MCPH1: variants seen among roughly 807,000 people sequenced by gnomAD.
MCPH1 encodes the protein microcephalin 1, also known as microcephalin.
MCPH1 carries 104 observed loss-of-function variants against 84.5 expected under a neutral mutation model. That is an observed-to-expected ratio of 1.23 (90% CI 1.05 to 1.45). The LOEUF (loss-of-function observed/expected upper bound fraction) is 1.45. MCPH1 is among the 40% of genes most tolerant of loss of function. The probability of loss-of-function intolerance (pLI) is 0.00; values close to 1 mark genes in which losing one functional copy is unlikely to be tolerated. For missense variants in MCPH1, 1,498 were observed against 1,005.7 expected (o/e 1.49, Z -6.62); for synonymous variants, 514 against 366.8 (o/e 1.40, Z -4.58).
chr8:6,642,594 A>G (rs918788102), intron 13 of MCPH1: 11 of 319,646 alleles, frequency 3.4e-5, no homozygotes, highest in Admixed American at 2.0e-4. Context: ...TAAAACTCAT[A>G]TATGTATTTA....
intron 12 of MCPH1, among the ~76,000 whole-genome samples, chr8:6,528,559 C>T (rs949462591): frequency 6.6e-6 from 1 of 152,236 alleles, no homozygotes; most frequent in Non-Finnish European, 1.5e-5. Flanking sequence ...AGCCGTATAG[C>T]GTGAGTGTGA....
chr8:6,611,325 G>A (rs1008940482), intron 12 of MCPH1, among the ~76,000 whole-genome samples: 1 of 152,110 alleles, frequency 6.6e-6, no homozygotes, highest in Non-Finnish European at 1.5e-5. Flanking sequence ...CCAATTGCTT[G>A]TCCCAAATCC....
intron 12 of MCPH1, among the ~76,000 whole-genome samples, chr8:6,601,686 C>T (rs759315047): frequency 8.7e-5 from 13 of 149,120 alleles, no homozygotes; most frequent in Admixed American, 7.3e-4. Context: ...CCACTACACA[C>T]AGTGCATACC....
intron 12 of MCPH1, among the ~76,000 whole-genome samples, chr8:6,511,121 C>A (rs1022613283): frequency 6.6e-6 from 1 of 152,164 alleles, no homozygotes; most frequent in African/African-American, 2.4e-5. Context: ...AAATTATCCC[C>A]AGAGGCAAGA....
intron 12 of MCPH1, among the ~76,000 whole-genome samples, chr8:6,557,534 G>A (rs571895806): frequency 6.6e-6 from 1 of 152,258 alleles, no homozygotes; most frequent in African/African-American, 2.4e-5. Flanking sequence ...AGCCAAAGGA[G>A]GATGTAGTGA....
chr8:6,503,597 T>G (rs943651135), intron 12 of MCPH1, among the ~76,000 whole-genome samples: 1 of 152,178 alleles, frequency 6.6e-6, no homozygotes, highest in Non-Finnish European at 1.5e-5. Flanking sequence ...TGAGGCACAG[T>G]TGGAAAACTC....
intron 5 of MCPH1, among the ~76,000 whole-genome samples, chr8:6,436,563 A>G (rs900348217): frequency 4.6e-5 from 7 of 152,050 alleles, no homozygotes; most frequent in Non-Finnish European, 8.8e-5. Flanking sequence ...ATGATACATT[A>G]TTTTAGTGAT....
At chr8:6,453,967 G>A (rs1172489147) in intron 8 of MCPH1, among the ~76,000 whole-genome samples, 1 of 152,160 alleles carries the variant, frequency 6.6e-6, no homozygotes, top group East Asian at 1.9e-4. Flanking sequence ...ATAACAACTA[G>A]CTTGAATTCA....
intron 12 of MCPH1, among the ~76,000 whole-genome samples, chr8:6,614,277 C>T (rs753007076): frequency 5.3e-5 from 8 of 152,200 alleles, no homozygotes; most frequent in African/African-American, 9.7e-5. Flanking sequence ...ACAGGACTCA[C>T]GATGGAAGAC....
At chr8:6,579,792 T>C (rs1827406439) in intron 12 of MCPH1, among the ~76,000 whole-genome samples, 1 of 152,178 alleles carries the variant, frequency 6.6e-6, no homozygotes, top group South Asian at 2.1e-4. Context: ...TTCTTAGTTA[T>C]CAGCAAGGGA....
At chr8:6,621,375 G>T in intron 12 of MCPH1, 79 bp from the exon 13 acceptor site, 1 of 1,550,152 alleles carries the variant, frequency 6.5e-7, no homozygotes, top group South Asian at 1.1e-5. Flanking sequence ...AAAAAAGGAA[G>T]TAAACTGCAA....
chr8:6,426,293 G>C (rs939380117), intron 3 of MCPH1, among the ~76,000 whole-genome samples: 1 of 152,132 alleles, frequency 6.6e-6, no homozygotes, highest in African/African-American at 2.4e-5. Context: ...CCAAAATACA[G>C]AGCATTTTCA....
intron 12 of MCPH1, among the ~76,000 whole-genome samples, chr8:6,577,767 C>G (rs1827232650): frequency 6.6e-6 from 1 of 152,212 alleles, no homozygotes; most frequent in Admixed American, 6.5e-5. Context: ...GCTACTTGTA[C>G]AAGAGATACA....
intron 3 of MCPH1, among the ~76,000 whole-genome samples, chr8:6,419,616 A>G (rs1471834336): frequency 2.0e-5 from 3 of 148,414 alleles, no homozygotes; most frequent in Non-Finnish European, 4.5e-5. Flanking sequence ...GTTAGCCAGG[A>G]TGGTCTTGAT....
intron 3 of MCPH1, among the ~76,000 whole-genome samples, chr8:6,425,221 G>A (rs756101503): frequency 1.8e-4 from 28 of 152,214 alleles, no homozygotes; most frequent in Non-Finnish European, 3.2e-4. Flanking sequence ...TGTTGGCTCT[G>A]AGGCAGCAGC....
chr8:6,422,010 C>T (rs1585649394), intron 3 of MCPH1, among the ~76,000 whole-genome samples: 2 of 152,378 alleles, frequency 1.3e-5, no homozygotes, highest in East Asian at 1.9e-4. Context: ...GAAGAGCTTC[C>T]TCTGTCCCCA....
chr8:6,505,295 A>ATTCTTTC (rs1491494016), intron 12 of MCPH1, among the ~76,000 whole-genome samples: 2 of 73,746 alleles, frequency 2.7e-5, no homozygotes, highest in Admixed American at 1.6e-4. Flanking sequence ...TGTTATATAC[A>ATTCTTTC]TATATATGTA....
At chr8:6,419,152 G>GACACACACAC (rs1177481281) in intron 3 of MCPH1, among the ~76,000 whole-genome samples, 18 of 59,352 alleles carry the variant, frequency 3.0e-4, no homozygotes, top group African/African-American at 8.0e-4. Context: ...CACACACACA[G>GACACACACAC]ACACACACAC....
intron 12 of MCPH1, among the ~76,000 whole-genome samples, chr8:6,612,634 A>G (rs1377210363): frequency 6.6e-6 from 1 of 152,180 alleles, no homozygotes; most frequent in Non-Finnish European, 1.5e-5. Context: ...CTCTCTGCCC[A>G]GCTGGCTGGC....
Sources: allele counts gnomAD v4.1 joint callset (sites outside exome capture counted in the v4.1 genomes callset), GRCh38; gene constraint gnomAD v4.1.1; transcripts MANE v1.5; gene names NCBI Gene and HGNC (gene_info 2026-07-23, HGNC 2026-07-21).